The following TMEM200A variants were observed in gnomAD, a reference collection of about 807,000 sequenced individuals.
The protein encoded by TMEM200A is two transmembrane C.
A neutral mutation model predicts 24.3 loss-of-function variants in TMEM200A; 12 were observed. The ratio of observed to expected loss-of-function variants is 0.49; its 90% CI spans 0.32 to 0.80. The LOEUF (loss-of-function observed/expected upper bound fraction) is 0.80. TMEM200A is among the 30% of genes least tolerant of loss of function. The probability of loss-of-function intolerance (pLI) is 0.04; values close to 1 mark genes in which losing one functional copy is unlikely to be tolerated. For missense variants in TMEM200A, 545 were observed against 614.4 expected, an observed-to-expected ratio of 0.89 and a Z score of 1.19; for synonymous variants, 224 against 224.4, an observed-to-expected ratio of 1.00 and a Z score of 0.02.
chr6:130,409,959 G>A (rs1199613012), intron 2 of TMEM200A, among the ~76,000 whole-genome samples: 1 of 151,932 alleles, frequency 6.6e-6, no homozygotes, highest in East Asian at 1.9e-4. Context: ...GTTTTTAGAA[G>A]ATCTATGGTA....
rs3813360 is a variant in TMEM200A, at chr6:130,440,653, T to C, written c.231T>C (p.Ala77=). The change falls in exon 3 of 3, where the codon GCT becomes GCC. Residue 77 remains alanine (A), a synonymous_variant. Coordinates refer to ENST00000296978, the MANE Select transcript of TMEM200A (RefSeq NM_001258277.2). ...LGVLISIIGI[A]MAVLGYWPQK... is the part of the protein sequence containing the mutation. ...TGCTCATCTCCATTATAGGAATTGC[T>C]ATGGCCGTTCTTGGATATTGGCCCC... The C allele has an allele frequency of 0.19, 305,830 of 1,613,586 alleles. 33,024 individuals are homozygous for C. The highest frequency in any genetic ancestry group is 0.39 in the East Asian group (17,426 of 44,840).
Position 130,442,051 on chromosome 6 carries a change from A to ATGTT in TMEM200A, c.*156_*159dup. 1 of 719,494 alleles carries ATGTT rather than the reference A, an allele frequency of 1.4e-6. No individual in the cohort carries two copies. The highest frequency in any genetic ancestry group is 2.2e-6 in the Non-Finnish European group (1 of 449,114). 44.6% of individuals were successfully genotyped at this position (719,494 alleles called of 1,614,324 possible). A position where few individuals can be genotyped will look rare whatever the true frequency, so the allele number is the denominator to read the frequency against. On this transcript the variant is annotated 3_prime_UTR_variant, in exon 3 of 3. Coordinates refer to ENST00000296978, the MANE Select transcript of TMEM200A (RefSeq NM_001258277.2). ...TTAGTTCTGTAATGAAGATGGTTGT[A>ATGTT]TGTTTGGGTTACTTGTGACTGCAGT... is the stretch of plus-strand genomic sequence containing the variant.
At chr6:130,392,646 A>T (rs1358896235) in intron 2 of TMEM200A, among the ~76,000 whole-genome samples, 1 of 152,102 alleles carries the variant, frequency 6.6e-6, no homozygotes, top group African/African-American at 2.4e-5. Context: ...CCTTTGTGTT[A>T]GCTGTTCCCT....
At chr6:130,373,468 C>A (rs1778366345) in intron 1 of TMEM200A, among the ~76,000 whole-genome samples, 1 of 152,172 alleles carries the variant, frequency 6.6e-6, no homozygotes, top group African/African-American at 2.4e-5. Flanking sequence ...ACAACCTACT[C>A]TGTTTGCTTA....
At chr6:130,401,093 T>C (rs555128106) in intron 2 of TMEM200A, among the ~76,000 whole-genome samples, 1 of 152,186 alleles carries the variant, frequency 6.6e-6, no homozygotes, top group East Asian at 1.9e-4. Context: ...AGAGCTCAGC[T>C]ATGCATTAAC....
chr6:130,372,805 G>T (rs1778353635), intron 1 of TMEM200A, among the ~76,000 whole-genome samples: 1 of 152,196 alleles, frequency 6.6e-6, no homozygotes, highest in African/African-American at 2.4e-5. Context: ...GAATGAGAAG[G>T]TGTATAAAAA....
At chr6:130,367,319 C>T (rs1345570644) in intron 1 of TMEM200A, among the ~76,000 whole-genome samples, 1 of 152,168 alleles carries the variant, frequency 6.6e-6, no homozygotes, top group African/African-American at 2.4e-5. Context: ...TGCCTTGTCT[C>T]TTCTGAATAC....
intron 1 of TMEM200A, among the ~76,000 whole-genome samples, chr6:130,384,376 A>G (rs1276260270): frequency 2.6e-5 from 4 of 152,168 alleles, no homozygotes; most frequent in Non-Finnish European, 5.9e-5. Flanking sequence ...CGGTAGCATG[A>G]TCATAGCTCA....
rs776972426 is a variant in TMEM200A at position 130,368,120 on chromosome 6, A to C, written c.-81+1596A>C. The stretch of plus-strand genomic sequence containing the variant: ...GTACTTGTTATTTTAACTTAGTGGA[A>C]TTTTTAGTGAAGCTTTTGAATACTA... On this transcript the variant is annotated intron_variant, in intron 1 of 2. Transcript: ENST00000296978. Among the ~76,000 whole-genome samples the C allele has an allele frequency of 3.3e-5, 5 of 152,308 alleles. No individual in the cohort carries two copies. In the East Asian group the frequency reaches 9.7e-4, roughly 29 times the overall value.
At chr6:130,375,356 ATC>A (rs1221165599) in intron 1 of TMEM200A, among the ~76,000 whole-genome samples, 1 of 152,224 alleles carries the variant, frequency 6.6e-6, no homozygotes, top group Non-Finnish European at 1.5e-5. Flanking sequence ...GACACATAAA[ATC>A]TCTTATAACA....
At chr6:130,409,479 G>C (rs1779284014) in intron 2 of TMEM200A, among the ~76,000 whole-genome samples, 1 of 152,150 alleles carries the variant, frequency 6.6e-6, no homozygotes, top group Non-Finnish European at 1.5e-5. Flanking sequence ...GATCTGACAG[G>C]CTTCCAGGGA....
chr6:130,426,742 C>T (rs939211595), intron 2 of TMEM200A, among the ~76,000 whole-genome samples: 13 of 152,062 alleles, frequency 8.5e-5, no homozygotes, highest in African/African-American at 3.1e-4. Flanking sequence ...ATCAATAAGT[C>T]GGGATGACCC....
At chr6:130,368,501 T>G (rs906289398) in intron 1 of TMEM200A, among the ~76,000 whole-genome samples, 4 of 152,198 alleles carry the variant, frequency 2.6e-5, no homozygotes, top group African/African-American at 9.7e-5. Context: ...TGCAATGAGA[T>G]GGACCTCATT....
intron 2 of TMEM200A, among the ~76,000 whole-genome samples, chr6:130,435,694 G>A (rs1241611170): frequency 6.6e-6 from 1 of 152,184 alleles, no homozygotes; most frequent in Non-Finnish European, 1.5e-5. Flanking sequence ...TGGAAGCCAG[G>A]CTTAGGATCC....
At chr6:130,387,964 G>C (rs529712101) in intron 2 of TMEM200A, among the ~76,000 whole-genome samples, 7 of 152,214 alleles carry the variant, frequency 4.6e-5, no homozygotes, top group African/African-American at 1.7e-4. Context: ...ATTGATTTGC[G>C]GTTAGTTTCT....
At chr6:130,431,588 A>G (rs1355610914) in intron 2 of TMEM200A, among the ~76,000 whole-genome samples, 1 of 152,152 alleles carries the variant, frequency 6.6e-6, no homozygotes, top group Non-Finnish European at 1.5e-5. Context: ...ATGGCCTTCT[A>G]ATTTCTTCTG....
intron 1 of TMEM200A, chr6:130,383,002 A>G: frequency 1.0e-6 from 1 of 984,700 alleles, no homozygotes; most frequent in African/African-American, 1.7e-5. Context: ...ATCTCACCCA[A>G]GGGGCTGTGT....
chr6:130,427,412 G>A (rs1779770331), intron 2 of TMEM200A, among the ~76,000 whole-genome samples: 1 of 152,054 alleles, frequency 6.6e-6, no homozygotes, highest in South Asian at 2.1e-4. Context: ...ATTATATGGA[G>A]GCAGCATGAT....
intron 2 of TMEM200A, among the ~76,000 whole-genome samples, chr6:130,426,468 C>A (rs1295281387): frequency 6.0e-5 from 9 of 150,730 alleles, no homozygotes; most frequent in East Asian, 4.0e-4. Flanking sequence ...CAGCCCCCCC[C>A]CCCTCAGTTT....
Sources: allele counts gnomAD v4.1 joint callset (sites outside exome capture counted in the v4.1 genomes callset), GRCh38; gene constraint gnomAD v4.1.1; transcripts MANE v1.5; gene names NCBI Gene and HGNC (gene_info 2026-07-23, HGNC 2026-07-21).